The following ANXA4 variants were observed in gnomAD, a reference collection of about 807,000 sequenced individuals.
The protein encoded by ANXA4 is 35-beta calcimedin.
Under a neutral mutation model 49.8 loss-of-function variants are expected in ANXA4, and 39 were observed. The observed-to-expected ratio is 0.78, with a 90% CI of 0.61 to 1.02. The LOEUF (loss-of-function observed/expected upper bound fraction) is 1.02, where lower values mean the gene tolerates loss of function less well. Among genes scored for constraint, ANXA4 ranks in the 50% least tolerant of loss-of-function variants. The probability of loss-of-function intolerance (pLI) is 0.00; values close to 1 mark genes in which losing one functional copy is unlikely to be tolerated. For synonymous variants in ANXA4, 134 were observed against 152.5 expected (o/e 0.88, Z 0.89); for missense variants, 360 against 410.1 (o/e 0.88, Z 1.05).
In ANXA4 at chr2:69,656,381, A is replaced by G. The variant is rs189268752; in HGVS notation, n.766+3099A>G. Among the ~76,000 whole-genome samples, 67 of 76,968 alleles carry G rather than the reference A, an allele frequency of 8.7e-4. 1 individual carries two copies. Among genetic ancestry groups the G allele is most frequent in the African/African-American group, 2.1e-3 (60 of 27,968 alleles). 50.5% of individuals were successfully genotyped at this position (76,968 alleles called of 152,430 possible). A position where few individuals can be genotyped will look rare whatever the true frequency, so the allele number is the denominator to read the frequency against. Reference sequence around the variant, plus strand: ...TGTATATATATGTGTATATATGTGTATATATATGTGTATATATATGTATAT... The same window carrying G: ...TGTATATATATGTGTATATATGTGTGTATATATGTGTATATATATGTATAT... On this transcript the variant is annotated intron_variant and non_coding_transcript_variant, in intron 2 of 3. Coordinates refer to the ANXA4 transcript ENST00000418066.
chr2:69,802,239 C>T (rs1452340615), intron 3 of ANXA4, among the ~76,000 whole-genome samples: 2 of 152,154 alleles, frequency 1.3e-5, no homozygotes, highest in South Asian at 2.1e-4. Context: ...GGAAGACCAA[C>T]CAGGAGTTAA....
At chr2:69,757,395 C>T (rs1224336637) in intron 1 of ANXA4, among the ~76,000 whole-genome samples, 1 of 145,750 alleles carries the variant, frequency 6.9e-6, no homozygotes, top group Non-Finnish European at 1.5e-5. Context: ...CCCAGCCTCC[C>T]TAGTAGCTGG....
Position 69,781,360 on chromosome 2 carries a change from C to G in ANXA4, c.-46-160C>G, listed in dbSNP as rs7590609. 0.017 allele frequency: 10,460 copies of G among 620,814 alleles called. 789 individuals are homozygous for G. The African/African-American group carries it at 0.17, about 10-fold the overall frequency. 38.5% of individuals were successfully genotyped at this position (620,814 alleles called of 1,614,324 possible). ...TTTTTTTAACAGTTTCTCTAATTAG[C>G]CCATTCCTTGTATCTTTGGCTAATC... is the stretch of plus-strand genomic sequence containing the variant. On this transcript the variant is annotated intron_variant, in intron 1 of 12. Coordinates refer to ENST00000394295, the MANE Select transcript of ANXA4 (RefSeq NM_001153.5).
At chr2:69,660,111 G>A (rs1676657301) in intron 2 of ANXA4, among the ~76,000 whole-genome samples, 1 of 152,120 alleles carries the variant, frequency 6.6e-6, no homozygotes, top group African/African-American at 2.4e-5. Flanking sequence ...ACATATGTAT[G>A]TATGTATGTA....
upstream of ANXA4, among the ~76,000 whole-genome samples, chr2:69,739,602 G>A (rs1670333811): frequency 6.6e-6 from 1 of 151,182 alleles, no homozygotes; most frequent in Non-Finnish European, 1.5e-5. Flanking sequence ...GAGACACGGT[G>A]GGTGGGAGAG....
chr2:69,729,835 G>C (rs1382279446), intron 3 of ANXA4, among the ~76,000 whole-genome samples: 3 of 152,204 alleles, frequency 2.0e-5, no homozygotes, highest in Non-Finnish European at 2.9e-5. Context: ...TAATTGTTGG[G>C]AGATAATTCT....
In ANXA4 at chr2:69,826,993, A is replaced by G. The variant is rs1674498050; in HGVS notation, c.*1478A>G. On this transcript the variant is annotated 3_prime_UTR_variant, in exon 13 of 13. Coordinates refer to ENST00000394295, the MANE Select transcript of ANXA4 (RefSeq NM_001153.5). ...TGGCTAATGTTCACATATGCCAAAC[A>G]CTACTCAATAACATAAAATAATGTA... The G allele has an allele frequency of 1.3e-5, 2 of 152,206 alleles. No individual in the cohort carries two copies. Among genetic ancestry groups the G allele is most frequent in the South Asian group, 4.1e-4 (2 of 4,828 alleles). 9.4% of individuals were successfully genotyped at this position (152,206 alleles called of 1,614,324 possible). A position where few individuals can be genotyped will look rare whatever the true frequency, so the allele number is the denominator to read the frequency against.
At chr2:69,656,399 A>ATGTATATATATGTATATATATATGTGTG (rs1676491911) in intron 2 of ANXA4, among the ~76,000 whole-genome samples, 1 of 87,650 alleles carries the variant, frequency 1.1e-5, no homozygotes, top group Non-Finnish European at 2.8e-5. Flanking sequence ...GTGTATATAT[A>ATGTATATATATGTATATATATATGTGTG]TGTATATATA....
intron 2 of ANXA4, among the ~76,000 whole-genome samples, chr2:69,714,504 A>G (rs937880828): frequency 9.2e-5 from 14 of 152,228 alleles, no homozygotes; most frequent in African/African-American, 3.4e-4. Context: ...CACCTGCCCC[A>G]GTCCAGCCAG....
At chr2:69,745,288 G>C (rs1670566262) in intron 1 of ANXA4, among the ~76,000 whole-genome samples, 1 of 152,156 alleles carries the variant, frequency 6.6e-6, no homozygotes, top group Non-Finnish European at 1.5e-5. Context: ...AGGCTGGGTG[G>C]CCTTGATGTT....
chr2:69,797,213 C>T (rs919135014), intron 3 of ANXA4, among the ~76,000 whole-genome samples: 1 of 152,142 alleles, frequency 6.6e-6, no homozygotes, highest in African/African-American at 2.4e-5. Flanking sequence ...TAGAGGTTTC[C>T]TCGGTCTCCT....
chr2:69,758,358 TATAAGCCCAGCACTTTGGGAG>T (rs527357105), intron 1 of ANXA4, among the ~76,000 whole-genome samples: 1 of 152,354 alleles, frequency 6.6e-6, no homozygotes, highest in Non-Finnish European at 1.5e-5. Flanking sequence ...GGCTTACGCC[TATAAGCCCAGCACTTTGGGAG>T]GCTGAGGCAG....
At chr2:69,823,433 G>A (rs1674332365) in intron 12 of ANXA4, among the ~76,000 whole-genome samples, 2 of 151,780 alleles carry the variant, frequency 1.3e-5, no homozygotes, top group Non-Finnish European at 2.9e-5. Flanking sequence ...TAAACTCTCA[G>A]GTTAGGTAAA....
At chr2:69,644,165 T>TTTC (rs1553424953), upstream of ANXA4, among the ~76,000 whole-genome samples, 1 of 21,116 alleles carries the variant, frequency 4.7e-5, no homozygotes, top group African/African-American at 1.7e-4. Context: ...ACAACTAAGT[T>TTTC]CCCCCCCCCC....
At chr2:69,808,112 C>T in intron 6 of ANXA4, 116 bp downstream of exon 6, 1 of 946,284 alleles carries the variant, frequency 1.1e-6, no homozygotes, top group East Asian at 2.6e-5. Flanking sequence ...CATGAGGGAT[C>T]CTCGGTGCCA....
chr2:69,808,153 C>G (rs77193002), intron 6 of ANXA4, 157 bp downstream of exon 6: 443 of 667,824 alleles, frequency 6.6e-4, no homozygotes, highest in African/African-American at 6.6e-3. Context: ...CCCTGTTTAG[C>G]CAAATGGCGG....
chr2:69,669,858 C>A (rs189838698), intron 2 of ANXA4, among the ~76,000 whole-genome samples: 93 of 152,206 alleles, frequency 6.1e-4, no homozygotes, highest in African/African-American at 2.2e-3. Flanking sequence ...CTTCTCCCAC[C>A]GCTACTCAAG....
At chr2:69,746,371 T>C (rs1670613851) in intron 1 of ANXA4, among the ~76,000 whole-genome samples, 1 of 152,176 alleles carries the variant, frequency 6.6e-6, no homozygotes, top group South Asian at 2.1e-4. Context: ...AGGTTTTTTT[T>C]CCCCTGCAAA....
chr2:69,750,776 G>C (rs776336323), intron 1 of ANXA4, among the ~76,000 whole-genome samples: 6 of 152,218 alleles, frequency 3.9e-5, no homozygotes, highest in African/African-American at 7.2e-5. Context: ...AGCAGAGAGA[G>C]GAGGTAGATG....
Sources: allele counts gnomAD v4.1 joint callset (sites outside exome capture counted in the v4.1 genomes callset), GRCh38; gene constraint gnomAD v4.1.1; transcripts MANE v1.5; gene names NCBI Gene and HGNC (gene_info 2026-07-23, HGNC 2026-07-21).